The following CSMD1 variants were observed in gnomAD, a reference collection of about 807,000 sequenced individuals.
The protein encoded by CSMD1 is CUB and sushi domain-containing protein 1.
CSMD1 carries 213 observed loss-of-function variants against 417.5 expected under a neutral mutation model. The observed-to-expected ratio is 0.51, with a 90% CI of 0.46 to 0.57. The LOEUF (loss-of-function observed/expected upper bound fraction) is 0.57, where lower values mean the gene tolerates loss of function less well. Ranked by LOEUF, CSMD1 falls within the 20% of genes least tolerant of loss-of-function variation. The pLI is 0.00. For missense variants in CSMD1, 6,923 were observed against 4,529.7 expected (o/e 1.53, Z -15.17); for synonymous variants, 2,862 against 1,736.8 (o/e 1.65, Z -16.11).
At chr8:3,016,492 G>C (rs565812133) in intron 52 of CSMD1, among the ~76,000 whole-genome samples, 1 of 152,300 alleles carries the variant, frequency 6.6e-6, no homozygotes, top group Admixed American at 6.5e-5. Flanking sequence ...TCATTACCAT[G>C]CTTCACACGT....
intron 3 of CSMD1, among the ~76,000 whole-genome samples, chr8:4,132,829 T>C (rs187344936): frequency 8.5e-5 from 13 of 152,340 alleles, no homozygotes; most frequent in Non-Finnish European, 1.3e-4. Flanking sequence ...ATGCAGATGA[T>C]AGACAGTTTG....
intron 5 of CSMD1, among the ~76,000 whole-genome samples, chr8:3,975,856 C>T (rs1813401736): frequency 6.6e-6 from 1 of 151,960 alleles, no homozygotes; most frequent in Non-Finnish European, 1.5e-5. Flanking sequence ...TTATTGTTGT[C>T]CTTCATTTTT....
intron 12 of CSMD1, among the ~76,000 whole-genome samples, chr8:3,454,238 C>A (rs1381789539): frequency 6.6e-6 from 1 of 152,182 alleles, no homozygotes; most frequent in Non-Finnish European, 1.5e-5. Flanking sequence ...CTGAATATAG[C>A]ACACTGATGG....
In CSMD1 at chr8:3,567,060, T is replaced by G. The variant is rs376311991; in HGVS notation, c.1344+7885A>C. 3.9e-5 allele frequency among the ~76,000 whole-genome samples: 6 copies of G among 152,232 alleles called. No homozygotes were observed. In the East Asian group the frequency reaches 9.7e-4, roughly 24 times the overall value. ...TCGATGGTAGACTGGATAAAGAAAA[T>G]TGGTACATGTATACCATGGAATACT... On this transcript the variant is annotated intron_variant, in intron 10 of 69. Coordinates refer to ENST00000635120, the MANE Select transcript of CSMD1 (RefSeq NM_033225.6).
intron 3 of CSMD1, among the ~76,000 whole-genome samples, chr8:4,172,694 G>T (rs758086837): frequency 3.5e-4 from 54 of 152,260 alleles, no homozygotes; most frequent in Admixed American, 9.2e-4. Context: ...ATATTCATTA[G>T]AATATTGCAA....
At chr8:4,317,242 T>G (rs996178444) in intron 3 of CSMD1, among the ~76,000 whole-genome samples, 5 of 151,248 alleles carry the variant, frequency 3.3e-5, no homozygotes, top group African/African-American at 1.2e-4. Flanking sequence ...GGCAGGGAAT[T>G]TTTCTTTTTT....
intron 69 of CSMD1, among the ~76,000 whole-genome samples, chr8:2,940,841 G>C (rs1238363087): frequency 6.6e-6 from 1 of 152,142 alleles, no homozygotes; most frequent in African/African-American, 2.4e-5. Flanking sequence ...GGTTAATGTG[G>C]ATGCCAATCA....
At chr8:3,172,582 G>A (rs1029794259) in intron 37 of CSMD1, among the ~76,000 whole-genome samples, 1 of 152,120 alleles carries the variant, frequency 6.6e-6, no homozygotes, top group Non-Finnish European at 1.5e-5. Flanking sequence ...GAGTCAAGAG[G>A]GCAGGGCGAG....
At chr8:3,889,419 T>G (rs1806790309) in intron 5 of CSMD1, among the ~76,000 whole-genome samples, 1 of 139,356 alleles carries the variant, frequency 7.2e-6, no homozygotes, top group Non-Finnish European at 1.5e-5. Flanking sequence ...CCTTCCACAT[T>G]GTAGTCATTA....
chr8:4,111,819 G>C (rs1008777537), intron 3 of CSMD1, among the ~76,000 whole-genome samples: 1 of 152,026 alleles, frequency 6.6e-6, no homozygotes, highest in Non-Finnish European at 1.5e-5. Context: ...ATACATATGG[G>C]GCTTGAATCC....
At chr8:4,523,373 G>A (rs1420904955) in intron 2 of CSMD1, among the ~76,000 whole-genome samples, 1 of 152,086 alleles carries the variant, frequency 6.6e-6, no homozygotes, top group Non-Finnish European at 1.5e-5. Flanking sequence ...TTTTGTTGTA[G>A]CTGTTGTTTT....
At chr8:4,640,718 T>G (rs1803133545) in intron 1 of CSMD1, among the ~76,000 whole-genome samples, 2 of 152,256 alleles carry the variant, frequency 1.3e-5, no homozygotes, top group East Asian at 3.9e-4. Flanking sequence ...TTTCAACATG[T>G]TGTTTAACAT....
chr8:3,275,676 A>G (rs889548451), intron 26 of CSMD1, among the ~76,000 whole-genome samples: 2 of 152,020 alleles, frequency 1.3e-5, no homozygotes, highest in Non-Finnish European at 2.9e-5. Flanking sequence ...CATTTCATTC[A>G]TTTCATCTTC....
intron 3 of CSMD1, among the ~76,000 whole-genome samples, chr8:4,091,427 T>A (rs1167914020): frequency 6.6e-6 from 1 of 152,164 alleles, no homozygotes; most frequent in Non-Finnish European, 1.5e-5. Context: ...TTACTCAAGT[T>A]ATTATTTGCA....
chr8:4,948,725 C>G (rs11136808), intron 1 of CSMD1, among the ~76,000 whole-genome samples: 1 of 151,972 alleles, frequency 6.6e-6, no homozygotes, highest in Non-Finnish European at 1.5e-5. Context: ...ATGTAGGCAT[C>G]TGTACCATTT....
chr8:3,878,327 T>C (rs4333625), intron 5 of CSMD1, among the ~76,000 whole-genome samples: 38,161 of 152,018 alleles, frequency 0.25, 5,947 homozygotes, highest in African/African-American at 0.44. Context: ...TACACTATTC[T>C]TTAAAATATT....
intron 2 of CSMD1, among the ~76,000 whole-genome samples, chr8:4,520,748 T>G (rs1289989253): frequency 6.6e-6 from 1 of 152,228 alleles, no homozygotes; most frequent in Non-Finnish European, 1.5e-5. Context: ...CTAATTGAAT[T>G]AAATTTAATT....
At chr8:3,937,226 T>C (rs1810558280) in intron 5 of CSMD1, among the ~76,000 whole-genome samples, 1 of 152,198 alleles carries the variant, frequency 6.6e-6, no homozygotes, top group African/African-American at 2.4e-5. Flanking sequence ...ATTGTGATTA[T>C]TTCATAAACT....
At chr8:3,921,783 G>C (rs773131876) in intron 5 of CSMD1, among the ~76,000 whole-genome samples, 1 of 152,140 alleles carries the variant, frequency 6.6e-6, no homozygotes, top group Non-Finnish European at 1.5e-5. Context: ...GATTTGTTAA[G>C]AGTTGTTTTA....
Sources: allele counts gnomAD v4.1 joint callset (sites outside exome capture counted in the v4.1 genomes callset), GRCh38; gene constraint gnomAD v4.1.1; transcripts MANE v1.5; gene names NCBI Gene and HGNC (gene_info 2026-07-23, HGNC 2026-07-21).